Variants in IL17RA observed in about 807,000 individuals in gnomAD.
The protein encoded by IL17RA is interleukin-17 receptor A.
In IL17RA, 34 loss-of-function variants were observed where a neutral mutation model predicts 50.4. The observed-to-expected ratio is 0.67, with a 90% confidence interval of 0.51 to 0.90. The LOEUF is 0.90. Ranked by LOEUF, IL17RA falls within the 40% of genes least tolerant of loss-of-function variation. The pLI, the probability that IL17RA is intolerant of heterozygous loss-of-function variation, is 0.00. For missense variants in IL17RA, 1,276 were observed against 1,169.8 expected, an observed-to-expected ratio of 1.09 and a Z score of -1.32; for synonymous variants, 585 against 510.4, an observed-to-expected ratio of 1.15 and a Z score of -1.97.
chr22:17,103,587 T>C lies in IL17RA; in HGVS notation c.846+10T>C. 4.4e-6 allele frequency: 7 copies of C among 1,607,704 alleles called. No individual in the cohort carries two copies. Among genetic ancestry groups the C allele is most frequent in the Non-Finnish European group, 5.9e-6 (7 of 1,176,788 alleles). On this transcript the variant is annotated intron_variant, in intron 8 of 12. Coordinates refer to ENST00000319363, the MANE Select transcript of IL17RA (RefSeq NM_014339.7). The stretch of plus-strand genomic sequence containing the variant: ...TCGCCACCAAGTGCAGGTGGGTGAG[T>C]GTGGTGTGGACAGGTGCAGGGAGCA...
intron 7 of IL17RA, 54 bp from the exon 8 acceptor site, chr22:17,103,440 C>T (rs1480225064): frequency 6.8e-7 from 1 of 1,469,786 alleles, no homozygotes; most frequent in Non-Finnish European, 9.5e-7. Context: ...TGTTCTTACC[C>T]AACTAGCCTT....
intron 1 of IL17RA, among the ~76,000 whole-genome samples, chr22:17,096,420 T>C (rs2060861738): frequency 6.6e-6 from 1 of 152,142 alleles, no homozygotes; most frequent in African/African-American, 2.4e-5. Flanking sequence ...CTGTAAATAT[T>C]GCCCTTCACC....
rs575142705 is a variant in IL17RA at position 17,109,610 on chromosome 22, C to T, written c.2391C>T (p.Ile797=). Residue 797 remains isoleucine, a synonymous_variant, in exon 13 of 13, where the codon ATC becomes ATT. Coordinates refer to ENST00000319363, the MANE Select transcript of IL17RA (RefSeq NM_014339.7). ...CAGTGCAGTCTGACCAGGGCTACAT[C>T]TCCAGGAGCTCCCCGCAGCCCCCCG... The part of the protein sequence containing the change: ...RQSVQSDQGY[I]SRSSPQPPEG... The T allele has an allele frequency of 4.4e-5, 71 of 1,605,414 alleles. No homozygotes were observed. In the South Asian group the frequency reaches 7.6e-4, roughly 17 times the overall value.
chr22:17,109,994 A>G lies in IL17RA; in HGVS notation c.*174A>G, dbSNP rs1911854423. 8.7e-6 allele frequency: 6 copies of G among 692,314 alleles called. No individual in the cohort carries two copies. The highest frequency in any genetic ancestry group is 1.2e-5 in the Non-Finnish European group (5 of 418,672). 42.9% of individuals were successfully genotyped at this position (692,314 alleles called of 1,614,324 possible). ...CATCCCTCCTAACTTTTCTTTGTGCAGCGGTCTGGTTATCGTCTATCCCCA... is the reference window on the plus strand; with the variant it reads ...CATCCCTCCTAACTTTTCTTTGTGCGGCGGTCTGGTTATCGTCTATCCCCA... On this transcript the variant is annotated 3_prime_UTR_variant, in exon 13 of 13. Transcript: ENST00000319363.
Position 17,102,050 on chromosome 22 carries a change from G to A in IL17RA, c.598+7G>A, listed in dbSNP as rs1450901807. 6 of 1,614,118 alleles carry A rather than the reference G, an allele frequency of 3.7e-6. No individual in the cohort carries two copies. The highest frequency in any genetic ancestry group is 1.7e-5 in the Admixed American group (1 of 60,010). On this transcript the variant is annotated splice_region_variant and intron_variant, in intron 6 of 12. Transcript: ENST00000319363. Reference sequence around the variant, plus strand: ...ACGCCATGCATGAGCTCAGGTAACAGCTGGCCCGGGAGAGCTTTATTTGGA... The same window carrying A: ...ACGCCATGCATGAGCTCAGGTAACAACTGGCCCGGGAGAGCTTTATTTGGA...
chr22:17,102,124 G>T lies in IL17RA; in HGVS notation c.599-15G>T, dbSNP rs553774032. 29 of 1,614,050 alleles carry T rather than the reference G, an allele frequency of 1.8e-5. No homozygotes were observed. Among genetic ancestry groups the T allele is most frequent in the Non-Finnish European group, 2.5e-5 (29 of 1,180,032 alleles). ...GCCCCTCCTCACTCCCAGCCTGCGTGTGTGACCTTGGCAGGCAGCCTGTGG... is the reference window on the plus strand; with the variant it reads ...GCCCCTCCTCACTCCCAGCCTGCGTTTGTGACCTTGGCAGGCAGCCTGTGG... On this transcript the variant is annotated splice_polypyrimidine_tract_variant and intron_variant, in intron 6 of 12. Coordinates refer to ENST00000319363, the MANE Select transcript of IL17RA (RefSeq NM_014339.7).
At chr22:17,085,406 T>G in intron 1 of IL17RA, 177 bp downstream of exon 1, 11 of 733,886 alleles carry the variant, frequency 1.5e-5, no homozygotes, top group Non-Finnish European at 1.8e-5. Context: ...GGGAGGACCC[T>G]CGGAGCGGTG....
intron 4 of IL17RA, among the ~76,000 whole-genome samples, chr22:17,099,870 G>C (rs2061383477): frequency 6.6e-6 from 1 of 152,196 alleles, no homozygotes; most frequent in African/African-American, 2.4e-5. Flanking sequence ...GGGTGAGTGG[G>C]GGTCTCTAGC....
chr22:17,094,669 C>CTATATATATATATATATATG lies in IL17RA; in HGVS notation c.139-2392_139-2391insATATATATATATATATATGT, dbSNP rs2061360235. 4.0e-3 allele frequency among the ~76,000 whole-genome samples: 96 copies of CTATATATATATATATATATG among 24,216 alleles called. 3 individuals carry two copies. Among genetic ancestry groups the CTATATATATATATATATATG allele is most frequent in the Non-Finnish European group, 7.1e-3 (74 of 10,444 alleles). 15.9% of individuals were successfully genotyped at this position (24,216 alleles called of 152,430 possible). A position where few individuals can be genotyped will look rare whatever the true frequency, so the allele number is the denominator to read the frequency against. On this transcript the variant is annotated intron_variant, in intron 1 of 12. Coordinates refer to ENST00000319363, the MANE Select transcript of IL17RA (RefSeq NM_014339.7). The stretch of plus-strand genomic sequence containing the variant: ...AGTCATACACACACTCTCTCTCTCT[C>CTATATATATATATATATATG]TCTCTCTCTCTCTCTCTCTCTCTAT...
chr22:17,102,541 C>G (rs1258250612), intron 7 of IL17RA, among the ~76,000 whole-genome samples: 4 of 152,082 alleles, frequency 2.6e-5, no homozygotes, highest in South Asian at 4.1e-4. Context: ...TTTCCTCCCC[C>G]ACACGCCCCC....
In IL17RA at chr22:17,109,462, T is replaced by G. The variant is rs2123813176; in HGVS notation, c.2243T>G (p.Leu748Arg). Residue 748 changes from leucine to arginine, a missense_variant, in exon 13 of 13, where the codon CTC becomes CGC. Transcript: ENST00000319363. ...CTTCCAGAGGACGTGAGGGAGCACCTCGAAGGCTTGATGCTCTCGCTCTTC... is the reference window on the plus strand; with the variant it reads ...CTTCCAGAGGACGTGAGGGAGCACCGCGAAGGCTTGATGCTCTCGCTCTTC... ...DLLPEDVREH[L>R]EGLMLSLFEQ... 1 of 1,613,018 alleles carries G rather than the reference T, an allele frequency of 6.2e-7. No individual in the cohort carries two copies. The highest frequency in any genetic ancestry group is 2.2e-5 in the East Asian group (1 of 44,874).
intron 2 of IL17RA, 181 bp downstream of exon 2, chr22:17,097,267 T>C: frequency 1.5e-6 from 1 of 673,958 alleles, no homozygotes; most frequent in Non-Finnish European, 2.7e-6. Flanking sequence ...TCGAGAACAT[T>C]CATTATGCAA....
At chr22:17,097,494 G>GCT (rs1255633144) in intron 2 of IL17RA, 16 of 538,540 alleles carry the variant, frequency 3.0e-5, no homozygotes. Context: ...CAATAAAGCA[G>GCT]CTCTTACTAC....
Position 17,098,822 on chromosome 22 carries a change from A to G in IL17RA, c.358A>G (p.Asn120Asp). Residue 120 changes from asparagine (N) to aspartate (D), a missense_variant, in exon 4 of 13, where the codon AAC becomes GAC. By Grantham distance (23) the Asn-to-Asp change is conservative (BLOSUM62 1). Transcript: ENST00000319363. ...TGCAGAGTTATCTGTCCTGCAGCTG[A>G]ACACCAATGAACGTTTGTGCGTCAG... ...EGAELSVLQL[N>D]TNERLCVRFE... The G allele has an allele frequency of 6.2e-7, 1 of 1,614,198 alleles. No homozygotes were observed. Among genetic ancestry groups the G allele is most frequent in the Admixed American group, 1.7e-5 (1 of 60,024 alleles).
intron 4 of IL17RA, among the ~76,000 whole-genome samples, chr22:17,099,249 T>C (rs1439437789): frequency 1.3e-5 from 2 of 152,212 alleles, no homozygotes; most frequent in African/African-American, 4.8e-5. Context: ...ATGTGTAACT[T>C]GGATTCAGCT....
intron 4 of IL17RA, 55 bp from the exon 5 acceptor site, chr22:17,100,300 T>C: frequency 1.9e-6 from 3 of 1,612,248 alleles, no homozygotes; most frequent in African/African-American, 1.3e-5. Flanking sequence ...TGGGCATAGA[T>C]GGGTGACAGA....
At chr22:17,107,018 A>G (rs532449725) in intron 11 of IL17RA, among the ~76,000 whole-genome samples, 1 of 152,244 alleles carries the variant, frequency 6.6e-6, no homozygotes, top group South Asian at 2.1e-4. Flanking sequence ...TTAAGGTTCT[A>G]AGTCGTTTGC....
chr22:17,097,228 A>G, intron 2 of IL17RA, 142 bp downstream of exon 2: 1 of 785,154 alleles, frequency 1.3e-6, no homozygotes, highest in Non-Finnish European at 2.3e-6. Context: ...TTCCCGGAGA[A>G]TTGTGGATGC....
chr22:17,105,715 C>T (rs560126106), intron 10 of IL17RA, 113 bp downstream of exon 10: 63 of 1,301,050 alleles, frequency 4.8e-5, no homozygotes, highest in Non-Finnish European at 6.1e-5. Flanking sequence ...GAGGCCAGCC[C>T]GGGGTGGGGG....
Sources: gnomAD v4.1 joint callset for allele counts (sites outside exome capture counted in the v4.1 genomes callset) on GRCh38, gnomAD v4.1.1 for gene constraint, MANE v1.5 for transcripts, NCBI Gene and HGNC (gene_info 2026-07-23, HGNC 2026-07-21) for gene names.